PCDH7: variants seen among roughly 807,000 people sequenced by gnomAD.
The protein encoded by PCDH7 is protocadherin-7.
Under a neutral mutation model 58.9 loss-of-function variants are expected in PCDH7, and 17 were observed. That is an observed-to-expected ratio of 0.29 (90% CI 0.20 to 0.43). PCDH7 has a LOEUF of 0.43. PCDH7 is among the 20% of genes least tolerant of loss of function. The probability of loss-of-function intolerance (pLI) is 1.00; values close to 1 mark genes in which losing one functional copy is unlikely to be tolerated. For synonymous variants in PCDH7, 664 were observed against 616.4 expected (o/e 1.08, Z -1.14); for missense variants, 1,274 against 1,441.0 (o/e 0.88, Z 1.88).
chr4:30,798,173 A>AT (rs1236907875), intron 1 of PCDH7, among the ~76,000 whole-genome samples: 1 of 152,214 alleles, frequency 6.6e-6, no homozygotes, highest in Admixed American at 6.5e-5. Flanking sequence ...AAGACGTTGT[A>AT]TTTAAGTTGA....
At chr4:30,996,913 C>T (rs1751946802) in intron 3 of PCDH7, among the ~76,000 whole-genome samples, 1 of 152,056 alleles carries the variant, frequency 6.6e-6, no homozygotes, top group Non-Finnish European at 1.5e-5. Context: ...AAATTGTTTT[C>T]TTGCTTTCAG....
intron 1 of PCDH7, among the ~76,000 whole-genome samples, chr4:30,902,333 G>A (rs1198487539): frequency 1.3e-5 from 2 of 151,946 alleles, no homozygotes; most frequent in African/African-American, 4.8e-5. Flanking sequence ...CTGAGTGCAG[G>A]TAATAAATGT....
chr4:30,804,290 C>T (rs1350159250), intron 1 of PCDH7, among the ~76,000 whole-genome samples: 3 of 152,028 alleles, frequency 2.0e-5, no homozygotes, highest in Non-Finnish European at 4.4e-5. Context: ...CCTGTTATCC[C>T]AGCACTTTGG....
chr4:30,950,846 A>G (rs1294834069), intron 3 of PCDH7, among the ~76,000 whole-genome samples: 1 of 152,202 alleles, frequency 6.6e-6, no homozygotes, highest in Non-Finnish European at 1.5e-5. Context: ...TGTTCAGTCC[A>G]AGATATCCTT....
Position 30,724,669 on chromosome 4 carries a change from A to C in PCDH7, c.3174+73A>C, listed in dbSNP as rs1577541587. The C allele has an allele frequency of 3.3e-6, 5 of 1,512,514 alleles. No homozygotes were observed. In the East Asian group the frequency reaches 1.2e-4, roughly 36 times the overall value. 93.7% of individuals were successfully genotyped at this position (1,512,514 alleles called of 1,614,324 possible). A position where few individuals can be genotyped will look rare whatever the true frequency, so the allele number is the denominator to read the frequency against. ...ACTCTGAGACAGATTATCTTCTGTAAAGTTTTGTCTTCTCGTTTTTAAAGT... is the reference window on the plus strand; with the variant it reads ...ACTCTGAGACAGATTATCTTCTGTACAGTTTTGTCTTCTCGTTTTTAAAGT... On this transcript the variant is annotated intron_variant, in intron 1 of 1. Coordinates refer to ENST00000361762, the Ensembl canonical transcript of PCDH7.
intron 3 of PCDH7, among the ~76,000 whole-genome samples, chr4:31,057,482 G>A (rs996396565): frequency 1.3e-5 from 2 of 152,098 alleles, no homozygotes; most frequent in Non-Finnish European, 2.9e-5. Flanking sequence ...CTATATGTCC[G>A]TGAGAACTGG....
chr4:31,079,353 TATATATATATAC>T (rs1423934218), intron 3 of PCDH7, among the ~76,000 whole-genome samples: 212 of 83,636 alleles, frequency 2.5e-3, no homozygotes, highest in African/African-American at 5.9e-3. Flanking sequence ...TATATATATA[TATATATATATAC>T]ACCACATTTT....
chr4:31,048,265 G>A (rs1756447320), intron 3 of PCDH7, among the ~76,000 whole-genome samples: 1 of 151,934 alleles, frequency 6.6e-6, no homozygotes. Context: ...GATGTTTCTG[G>A]ATTTCTTTAT....
At chr4:31,101,890 A>G (rs1714941443) in intron 3 of PCDH7, among the ~76,000 whole-genome samples, 1 of 152,216 alleles carries the variant, frequency 6.6e-6, no homozygotes, top group South Asian at 2.1e-4. Flanking sequence ...AACCAAGCAT[A>G]ATTCCATATT....
intron 1 of PCDH7, among the ~76,000 whole-genome samples, chr4:30,865,668 G>A (rs988241414): frequency 2.0e-5 from 3 of 151,984 alleles, no homozygotes; most frequent in Admixed American, 6.6e-5. Flanking sequence ...TAAGTACAAC[G>A]TATTTTAAGG....
At chr4:30,832,710 T>A (rs1729953070) in intron 1 of PCDH7, among the ~76,000 whole-genome samples, 1 of 152,166 alleles carries the variant, frequency 6.6e-6, no homozygotes, top group Admixed American at 6.5e-5. Flanking sequence ...GTCAAGAAAC[T>A]TTGATGGTCC....
intron 1 of PCDH7, among the ~76,000 whole-genome samples, chr4:30,860,735 AG>A (rs1734096567): frequency 6.6e-6 from 1 of 152,166 alleles, no homozygotes; most frequent in African/African-American, 2.4e-5. Flanking sequence ...ATTAATGTGA[AG>A]GTACTAGGAT....
intron 3 of PCDH7, among the ~76,000 whole-genome samples, chr4:31,012,352 T>TG: frequency 7.2e-6 from 1 of 139,438 alleles, no homozygotes; most frequent in South Asian, 2.7e-4. Context: ...GCTGAATTTA[T>TG]CCTCTGACTA....
chr4:31,060,652 A>G (rs538953009), intron 3 of PCDH7, among the ~76,000 whole-genome samples: 33 of 151,896 alleles, frequency 2.2e-4, no homozygotes, highest in African/African-American at 7.5e-4. Flanking sequence ...CAAAACCTAA[A>G]CATATTCAAT....
At chr4:30,829,024 T>G (rs894215776) in intron 1 of PCDH7, among the ~76,000 whole-genome samples, 7 of 152,090 alleles carry the variant, frequency 4.6e-5, no homozygotes, top group African/African-American at 1.2e-4. Flanking sequence ...CATGAAGGTT[T>G]ATGCCTGAGT....
rs760174157 is a variant in PCDH7 at position 30,721,812 on chromosome 4, G to A, written c.390G>A (p.Gln130=). The A allele has an allele frequency of 6.2e-7, 1 of 1,612,368 alleles. No homozygotes were observed. The highest frequency in any genetic ancestry group is 1.7e-5 in the Admixed American group (1 of 59,904). Residue 130 remains glutamine, a synonymous_variant, in exon 1 of 2, where the codon CAG becomes CAA. Transcript: ENST00000361762. This position sits in a 1 kb window ranked among gnomAD's most constrained non-coding sequence, Gnocchi z 6.7. Reference sequence around the variant, plus strand: ...GCTGGGTGGACCTGTTTGAGGGTCAGGTCATCGTGCTTGACATCAACGACA... The same window carrying A: ...GCTGGGTGGACCTGTTTGAGGGTCAAGTCATCGTGCTTGACATCAACGACA...
chr4:31,041,017 T>C (rs555733080), intron 3 of PCDH7, among the ~76,000 whole-genome samples: 29 of 152,302 alleles, frequency 1.9e-4, no homozygotes, highest in African/African-American at 6.0e-4. Flanking sequence ...GTACAATTGC[T>C]TTTTGACAGT....
intron 3 of PCDH7, among the ~76,000 whole-genome samples, chr4:31,099,694 C>T (rs1276547139): frequency 1.3e-5 from 2 of 152,052 alleles, no homozygotes; most frequent in Non-Finnish European, 2.9e-5. Context: ...CCCTGAGAAC[C>T]TAAGGAACTT....
At chr4:31,136,572 C>G (rs1303246627) in intron 3 of PCDH7, among the ~76,000 whole-genome samples, 1 of 152,160 alleles carries the variant, frequency 6.6e-6, no homozygotes, top group Non-Finnish European at 1.5e-5. Flanking sequence ...AATTAAAAAA[C>G]TCTTTGGAAA....
Sources: gnomAD v4.1 joint callset for allele counts (sites outside exome capture counted in the v4.1 genomes callset) on GRCh38, gnomAD v4.1.1 for gene constraint, Gnocchi (gnomAD v3.1) non-coding constraint, MANE v1.5 for transcripts, NCBI Gene and HGNC (gene_info 2026-07-23, HGNC 2026-07-21) for gene names.